KIRREL3: variants seen among roughly 807,000 people sequenced by gnomAD.
The protein encoded by KIRREL3 is kirre like nephrin family adhesion molecule 3.
Under a neutral mutation model 89.7 loss-of-function variants are expected in KIRREL3, and 36 were observed. The ratio of observed to expected loss-of-function variants is 0.40; its 90% confidence interval spans 0.31 to 0.53. The LOEUF (loss-of-function observed/expected upper bound fraction) is 0.53. KIRREL3 is among the 20% of genes least tolerant of loss of function. KIRREL3 has a pLI of 0.49. For missense variants in KIRREL3, 864 were observed against 1,056.6 expected, an observed-to-expected ratio of 0.82 and a Z score of 2.53; for synonymous variants, 445 against 441.4, an observed-to-expected ratio of 1.01 and a Z score of -0.10.
In KIRREL3 at chr11:126,903,306, C is replaced by A. The variant is rs1440923053; in HGVS notation, c.55+97149G>T. Among the ~76,000 whole-genome samples, 3 of 151,664 alleles carry A rather than the reference C, an allele frequency of 2.0e-5. No individual in the cohort carries two copies. The highest frequency in any genetic ancestry group is 4.4e-5 in the Non-Finnish European group (3 of 67,926). ...TCTTTTTTTTTTAAACTAATTTTTTCCTCTTTTTCTCTGGGTTAACAATGC... is the reference window on the plus strand; with the variant it reads ...TCTTTTTTTTTTAAACTAATTTTTTACTCTTTTTCTCTGGGTTAACAATGC... On this transcript the variant is annotated intron_variant, in intron 1 of 16. Transcript: ENST00000525144. The surrounding 1 kb of genome is among the most constrained non-coding windows in gnomAD (Gnocchi z 4.5).
intron 5 of KIRREL3, among the ~76,000 whole-genome samples, chr11:126,469,138 G>A (rs568602261): frequency 6.6e-6 from 1 of 152,358 alleles, no homozygotes; most frequent in South Asian, 2.1e-4. Context: ...AGGACAGGGA[G>A]GCACGGCAAG....
chr11:126,613,874 T>TG (rs1943232664), intron 1 of KIRREL3, among the ~76,000 whole-genome samples: 1 of 37,890 alleles, frequency 2.6e-5, no homozygotes, highest in African/African-American at 6.5e-5. Context: ...ACTGTTGCTT[T>TG]TTTTTTTTTT....
intron 1 of KIRREL3, among the ~76,000 whole-genome samples, chr11:126,979,881 C>T (rs533124885): frequency 6.6e-6 from 1 of 152,156 alleles, no homozygotes; most frequent in African/African-American, 2.4e-5. Flanking sequence ...CCCATTCATT[C>T]ATTTGCTCAC....
intron 2 of KIRREL3, chr11:126,549,720 AC>A: frequency 6.6e-6 from 1 of 152,150 alleles, no homozygotes; most frequent in East Asian, 1.9e-4. Flanking sequence ...CATAGTGGAG[AC>A]CCCAGGATCT....
chr11:126,685,631 T>C lies in KIRREL3; in HGVS notation c.56-122719A>G, dbSNP rs1167856167. On this transcript the variant is annotated intron_variant, in intron 1 of 16. Transcript: ENST00000525144. This position sits in a 1 kb window ranked among gnomAD's most constrained non-coding sequence, Gnocchi z 5.5. ...GCACTTCCCAGGATTACAGTCATAA[T>C]GGTAACAGATAAACCTTAATTAAAA... Among the ~76,000 whole-genome samples the C allele has an allele frequency of 6.6e-6, 1 of 152,262 alleles. No individual in the cohort carries two copies. The highest frequency in any genetic ancestry group is 6.5e-5 in the Admixed American group (1 of 15,286).
intron 4 of KIRREL3, among the ~76,000 whole-genome samples, chr11:126,511,932 T>G (rs1591656368): frequency 1.3e-5 from 2 of 152,194 alleles, no homozygotes; most frequent in Non-Finnish European, 2.9e-5. Context: ...GCAGCTCCCC[T>G]GGGCTTCCCC....
intron 1 of KIRREL3, among the ~76,000 whole-genome samples, chr11:126,938,045 C>T (rs1054167397): frequency 6.6e-6 from 1 of 152,222 alleles, no homozygotes; most frequent in Non-Finnish European, 1.5e-5. Context: ...CTGGCAGCAT[C>T]TCCCTAGAAG....
In KIRREL3 at chr11:126,492,121, C is replaced by A. The variant is rs1278637396; in HGVS notation, c.434-18655G>T. On this transcript the variant is annotated intron_variant, in intron 4 of 16. Transcript: ENST00000525144. The surrounding 1 kb of genome is among the most constrained non-coding windows in gnomAD (Gnocchi z 4.8). ...GTTTCCTCCGGGCTTATAAAATGGACAAAAGGATAAGTTGCAGAGGGCCAC... is the reference window on the plus strand; with the variant it reads ...GTTTCCTCCGGGCTTATAAAATGGAAAAAAGGATAAGTTGCAGAGGGCCAC... Among the ~76,000 whole-genome samples, 1 of 152,144 alleles carries A rather than the reference C, an allele frequency of 6.6e-6. No individual in the cohort carries two copies.
rs565669451 is a variant in KIRREL3 at position 126,641,910 on chromosome 11, A to G, written c.56-78998T>C. 3.1e-4 allele frequency among the ~76,000 whole-genome samples: 47 copies of G among 152,348 alleles called. No individual in the cohort carries two copies. The highest frequency in any genetic ancestry group is 1.1e-3 in the African/African-American group (47 of 41,574). ...CTCAACTTCCACTCTTTCTCAGGTC[A>G]GGAACGTGTCAATTCTGCAACTTCA... is the stretch of plus-strand genomic sequence containing the variant. On this transcript the variant is annotated intron_variant, in intron 1 of 16. Coordinates refer to ENST00000525144, the MANE Select transcript of KIRREL3 (RefSeq NM_032531.4). The surrounding 1 kb of genome is among the most constrained non-coding windows in gnomAD (Gnocchi z 5.0).
At position 126,646,473 on chromosome 11, in the gene KIRREL3, AT is replaced by A. The variant is rs71279461; in HGVS notation, c.56-83562del. ...GCAACTCTAAATTTGTGCCCCAAGT[AT>A]TTTTTTTTTTTTTTTTTTGAGACAG... On this transcript the variant is annotated intron_variant, in intron 1 of 16. Transcript: ENST00000525144. Among the ~76,000 whole-genome samples, 1,008 of 127,398 alleles carry A rather than the reference AT, an allele frequency of 7.9e-3. 8 individuals carry two copies. The highest frequency in any genetic ancestry group is 0.023 in the African/African-American group (780 of 33,874). 83.6% of individuals were successfully genotyped at this position (127,398 alleles called of 152,430 possible).
chr11:126,461,665 G>A (rs565719732), intron 6 of KIRREL3, among the ~76,000 whole-genome samples: 2 of 152,100 alleles, frequency 1.3e-5, no homozygotes, highest in East Asian at 1.9e-4. Flanking sequence ...GAATCTAAAT[G>A]GTGTCTGTCA....
At chr11:126,451,366 CT>C (rs1956140138) in intron 7 of KIRREL3, among the ~76,000 whole-genome samples, 3 of 107,706 alleles carry the variant, frequency 2.8e-5, no homozygotes, top group Non-Finnish European at 3.5e-5. Context: ...GTGAGTGTGA[CT>C]ATGTGTGAGC....
chr11:126,792,360 T>C lies in KIRREL3; in HGVS notation c.55+208095A>G, dbSNP rs568153379. Among the ~76,000 whole-genome samples the C allele has an allele frequency of 2.0e-5, 3 of 152,354 alleles. No homozygotes were observed. In the South Asian group the frequency reaches 6.2e-4, roughly 32 times the overall value. On this transcript the variant is annotated intron_variant, in intron 1 of 16. Coordinates refer to ENST00000525144, the MANE Select transcript of KIRREL3 (RefSeq NM_032531.4). ...ATGAGATAGGTCCTATTATTACCGT[T>C]ATTTTTCAGTTGAGAAAATGGTGAT...
intron 1 of KIRREL3, among the ~76,000 whole-genome samples, chr11:126,613,914 T>A: frequency 7.3e-6 from 1 of 137,066 alleles, no homozygotes; most frequent in East Asian, 2.3e-4. Flanking sequence ...CCATAGCCTT[T>A]ATCTAGCAGG....
chr11:126,674,104 G>GGAATGCTTCAATGCTCCTTCA (rs1258952358), intron 1 of KIRREL3, among the ~76,000 whole-genome samples: 1 of 152,192 alleles, frequency 6.6e-6, no homozygotes, highest in African/African-American at 2.4e-5. Flanking sequence ...AATGCTCCTA[G>GGAATGCTTCAATGCTCCTTCA]AATCTCCGTT....
At chr11:126,895,994 A>T (rs1382278939) in intron 1 of KIRREL3, among the ~76,000 whole-genome samples, 2 of 152,244 alleles carry the variant, frequency 1.3e-5, no homozygotes, top group African/African-American at 4.8e-5. Flanking sequence ...TGCAGAAATA[A>T]AGTGCATTTG....
intron 2 of KIRREL3, among the ~76,000 whole-genome samples, chr11:126,539,295 C>G (rs1020409839): frequency 1.3e-5 from 2 of 152,158 alleles, no homozygotes; most frequent in African/African-American, 2.4e-5. Context: ...TGTGCAGACT[C>G]TCTTAGTACA....
intron 7 of KIRREL3, among the ~76,000 whole-genome samples, chr11:126,456,030 T>C: frequency 8.2e-6 from 1 of 122,454 alleles, no homozygotes; most frequent in Non-Finnish European, 1.6e-5. Flanking sequence ...CTGGTTTTTT[T>C]TTGTTTTCGT....
At chr11:126,445,522 T>C (rs973777130) in intron 9 of KIRREL3, among the ~76,000 whole-genome samples, 4 of 152,174 alleles carry the variant, frequency 2.6e-5, no homozygotes, top group African/African-American at 9.7e-5. Context: ...CTCTGGGGGC[T>C]CCTGGACCTG....
Sources: allele counts gnomAD v4.1 joint callset (sites outside exome capture counted in the v4.1 genomes callset), GRCh38; gene constraint gnomAD v4.1.1; non-coding constraint Gnocchi (gnomAD v3.1); transcripts MANE v1.5; gene names NCBI Gene and HGNC (gene_info 2026-07-23, HGNC 2026-07-21).